The following SP140 variants were observed in gnomAD, a reference collection of about 807,000 sequenced individuals.
SP140 encodes nuclear body protein SP140.
Under a neutral mutation model 125.0 loss-of-function variants are expected in SP140, and 81 were observed. The ratio of observed to expected loss-of-function variants is 0.65; its 90% CI spans 0.54 to 0.78. The LOEUF (loss-of-function observed/expected upper bound fraction) is 0.78. Among genes scored for constraint, SP140 ranks in the 30% least tolerant of loss-of-function variants. SP140 has a pLI of 0.00. For synonymous variants in SP140, 312 were observed against 354.0 expected, an observed-to-expected ratio of 0.88 and a Z score of 1.33; for missense variants, 858 against 1,037.0, an observed-to-expected ratio of 0.83 and a Z score of 2.37.
chr2:230,312,126 G>T (rs2059378607), intron 26 of SP140, among the ~76,000 whole-genome samples: 2 of 152,148 alleles, frequency 1.3e-5, no homozygotes, highest in Non-Finnish European at 2.9e-5. Flanking sequence ...AGCAACCAAA[G>T]GCAAAGAAGT....
At chr2:230,292,832 C>T in intron 20 of SP140, 44 bp downstream of exon 20, 1 of 1,610,934 alleles carries the variant, frequency 6.2e-7, no homozygotes, top group South Asian at 1.1e-5. Flanking sequence ...CTTCTTGTTC[C>T]CTAATAATGA....
At chr2:230,265,162 G>A (rs76338193) in intron 12 of SP140, among the ~76,000 whole-genome samples, 1 of 152,056 alleles carries the variant, frequency 6.6e-6, no homozygotes, top group African/African-American at 2.4e-5. Context: ...GGGGATGGGG[G>A]TGAGATTCCC....
At position 230,269,621 on chromosome 2, in the gene SP140, A is replaced by G; in HGVS notation, c.1327+3A>G. The G allele has an allele frequency of 1.3e-6, 2 of 1,491,064 alleles. No individual in the cohort carries two copies. Among genetic ancestry groups the G allele is most frequent in the East Asian group, 2.3e-5 (1 of 44,038 alleles). 92.4% of individuals were successfully genotyped at this position (1,491,064 alleles called of 1,614,324 possible). On this transcript the variant is annotated splice_donor_region_variant and intron_variant, in intron 13 of 26. Transcript: ENST00000392045. ...CCTGCTATATGATAATGTACCAGGTAATTATGACTTAAAAATAGTGAAAAC... is the reference window on the plus strand; with the variant it reads ...CCTGCTATATGATAATGTACCAGGTGATTATGACTTAAAAATAGTGAAAAC...
intron 22 of SP140, among the ~76,000 whole-genome samples, chr2:230,302,621 T>C (rs780464026): frequency 2.0e-5 from 3 of 151,880 alleles, no homozygotes; most frequent in Non-Finnish European, 4.4e-5. Context: ...TTTTCATCAG[T>C]ACCTGGAACA....
At chr2:230,295,604 G>T (rs557251712) in intron 21 of SP140, among the ~76,000 whole-genome samples, 1 of 152,288 alleles carries the variant, frequency 6.6e-6, no homozygotes, top group Non-Finnish European at 1.5e-5. Flanking sequence ...GGTCCCTTAA[G>T]TGGCAGATCC....
At chr2:230,258,505 T>C (rs2051633693) in intron 12 of SP140, among the ~76,000 whole-genome samples, 1 of 152,218 alleles carries the variant, frequency 6.6e-6, no homozygotes, top group Non-Finnish European at 1.5e-5. Flanking sequence ...CCAAGTAAAT[T>C]TGCCATGAAA....
At chr2:230,227,734 A>C (rs770678561) in intron 1 of SP140, among the ~76,000 whole-genome samples, 30 of 151,978 alleles carry the variant, frequency 2.0e-4, no homozygotes, top group Non-Finnish European at 4.3e-4. Flanking sequence ...TTCCTTTATT[A>C]CCTTTCCATT....
Position 230,310,537 on chromosome 2 carries a change from A to G in SP140, c.2175-206A>G, listed in dbSNP as rs1055994960. ...CTCACGGTGACACCACCTTCCTCAG[A>G]CTTCCTGCCTGCTGCTACCACTGAT... On this transcript the variant is annotated intron_variant, in intron 23 of 26. Transcript: ENST00000392045. The G allele has an allele frequency of 1.7e-5, 21 of 1,201,524 alleles. No individual in the cohort carries two copies. The African/African-American group carries it at 2.0e-4, about 11-fold the overall frequency. The allele number at this position is 1,201,524 out of a possible 1,614,324, so 74.4% of individuals were successfully genotyped here. A position where few individuals can be genotyped will look rare whatever the true frequency, so the allele number is the denominator to read the frequency against.
Position 230,264,035 on chromosome 2 carries a change from A to C in SP140, c.1241-5497A>C, listed in dbSNP as rs1011864254. On this transcript the variant is annotated intron_variant, in intron 12 of 26. Transcript: ENST00000392045. ...TCTAGGTCTCTAGCAAGGCCAGGGA[A>C]GTTTTCTTTGATTATTCCCCCAAAT... Among the ~76,000 whole-genome samples the C allele has an allele frequency of 2.0e-5, 3 of 152,116 alleles. No homozygotes were observed. In the East Asian group the frequency reaches 5.8e-4, roughly 29 times the overall value.
intron 14 of SP140, 94 bp from the exon 15 acceptor site, chr2:230,270,492 A>G (rs1404215677): frequency 6.4e-6 from 8 of 1,254,540 alleles, no homozygotes; most frequent in Non-Finnish European, 9.1e-6. Context: ...AAGCATCTGT[A>G]TAAACTCAAG....
rs935139263 is a variant in SP140 at position 230,204,832 on chromosome 2, A to G, written c.-323+1553A>G. On this transcript the variant is annotated intron_variant, in intron 1 of 4. Transcript: ENST00000456542. ...CAACACGACTGATGAAAAGGAGATA[A>G]CTAAACATTTATGGGGAGTAGTGTA... 2.0e-5 allele frequency among the ~76,000 whole-genome samples: 3 copies of G among 152,350 alleles called. No individual in the cohort carries two copies. In the East Asian group the frequency reaches 5.8e-4, roughly 29 times the overall value.
chr2:230,221,801 C>T (rs749722130), upstream of SP140: 696 of 1,310,590 alleles, frequency 5.3e-4, no homozygotes, highest in Non-Finnish European at 4.9e-4. Flanking sequence ...AGAGATACAC[C>T]AGGCAAATGC....
rs56817002 is a variant in SP140 at position 230,206,595 on chromosome 2, T to TTATATATATATATATA, written c.-323+3344_-323+3359dup. Among the ~76,000 whole-genome samples, 336 of 70,316 alleles carry TTATATATATATATATA rather than the reference T, an allele frequency of 4.8e-3. 17 individuals are homozygous for TTATATATATATATATA. The highest frequency in any genetic ancestry group is 5.7e-3 in the Non-Finnish European group (201 of 35,096). The allele number at this position is 70,316 out of a possible 152,430, so 46.1% of individuals were successfully genotyped here. A position where few individuals can be genotyped will look rare whatever the true frequency, so the allele number is the denominator to read the frequency against. Reference sequence around the variant, plus strand: ...TATTATATATTATCTGGTCCAGATTTTATATATATATATATATATATATAT... The same window carrying TTATATATATATATATA: ...TATTATATATTATCTGGTCCAGATTTTATATATATATATATATATATATATATATATATATATATAT... On this transcript the variant is annotated intron_variant, in intron 1 of 4. Transcript: ENST00000456542.
At chr2:230,239,353 T>A (rs1037779011) in intron 3 of SP140, among the ~76,000 whole-genome samples, 10 of 152,224 alleles carry the variant, frequency 6.6e-5, no homozygotes, top group African/African-American at 2.4e-4. Context: ...CTTTAAATCA[T>A]CTCTAGATTA....
chr2:230,242,331 G>A (rs1353290307), intron 4 of SP140, among the ~76,000 whole-genome samples: 1 of 152,138 alleles, frequency 6.6e-6, no homozygotes, highest in Non-Finnish European at 1.5e-5. Flanking sequence ...GTGTAGGTTT[G>A]AGGTAAGAGC....
At chr2:230,193,978 G>A in the SP140 span, among the ~76,000 whole-genome samples, 2 of 152,192 alleles carry the variant, frequency 1.3e-5, no homozygotes, top group Non-Finnish European at 2.9e-5. Context: ...GTCATTGGTA[G>A]TGAACACTCA....
Position 230,292,807 on chromosome 2 carries a change from G to T in SP140, c.1968+19G>T. Reference sequence around the variant, plus strand: ...GATGGAGGTATTCCAATGACAAGGGGCCAGGCCTGTGTTCCTTCTTGTTCC... The same window carrying T: ...GATGGAGGTATTCCAATGACAAGGGTCCAGGCCTGTGTTCCTTCTTGTTCC... On this transcript the variant is annotated intron_variant, in intron 20 of 26. Coordinates refer to ENST00000392045, the MANE Select transcript of SP140 (RefSeq NM_007237.5). 1 of 1,613,570 alleles carries T rather than the reference G, an allele frequency of 6.2e-7. No individual in the cohort carries two copies. Among genetic ancestry groups the T allele is most frequent in the Non-Finnish European group, 8.5e-7 (1 of 1,179,944 alleles).
At chr2:230,247,787 T>C (rs916185549) in intron 7 of SP140, 129 bp from the exon 8 acceptor site, 2 of 836,916 alleles carry the variant, frequency 2.4e-6, no homozygotes, top group Middle Eastern at 3.0e-4. Context: ...CATCTGAGCT[T>C]TCCTAAAGGC....
chr2:230,230,078 G>T (rs930691218), intron 1 of SP140, among the ~76,000 whole-genome samples: 1 of 152,182 alleles, frequency 6.6e-6, no homozygotes, highest in Non-Finnish European at 1.5e-5. Context: ...AATAGTAGGA[G>T]TTGCAGGAGA....
Sources: allele counts gnomAD v4.1 joint callset (sites outside exome capture counted in the v4.1 genomes callset), GRCh38; gene constraint gnomAD v4.1.1; transcripts MANE v1.5; gene names NCBI Gene and HGNC (gene_info 2026-07-23, HGNC 2026-07-21).